Variants in MCC observed in about 807,000 individuals in gnomAD.
MCC encodes MCC regulator of Wnt signaling pathway.
MCC carries 90 observed loss-of-function variants against 116.2 expected under a neutral mutation model. The ratio of observed to expected loss-of-function variants is 0.77; its 90% CI spans 0.65 to 0.92. The LOEUF (loss-of-function observed/expected upper bound fraction) is 0.92. MCC is among the 40% of genes least tolerant of loss of function. MCC has a pLI of 0.00. For missense variants in MCC, 1,516 were observed against 1,312.2 expected (o/e 1.16, Z -2.40); for synonymous variants, 578 against 510.5 (o/e 1.13, Z -1.78).
In MCC at chr5:113,104,327, C is replaced by A. The variant is rs201293435; in HGVS notation, c.1056G>T (p.Leu352=). ...TCTCCAGCCCTGTCAGCACCCTCTG[C>A]AGTTCTGAGTTCAGGTCACTGCAGT... ...MDNCSDLNSE[L]QRVLTGLENV... Residue 352 remains leucine, a synonymous_variant, in exon 7 of 19, where the codon CTG becomes CTT. Transcript: ENST00000408903. The A allele has an allele frequency of 9.0e-5, 145 of 1,613,428 alleles. No individual in the cohort carries two copies. The highest frequency in any genetic ancestry group is 1.1e-4 in the Non-Finnish European group (129 of 1,179,800).
At chr5:113,443,088 G>T (rs1474779186) in intron 1 of MCC, among the ~76,000 whole-genome samples, 1 of 152,136 alleles carries the variant, frequency 6.6e-6, no homozygotes, top group Non-Finnish European at 1.5e-5. Context: ...ATTACTTTGG[G>T]CAGTATGGCC....
At chr5:113,352,710 C>T (rs1768306956) in intron 2 of MCC, among the ~76,000 whole-genome samples, 1 of 152,050 alleles carries the variant, frequency 6.6e-6, no homozygotes, top group South Asian at 2.1e-4. Context: ...TCTCAAATTT[C>T]ACTTTTATCA....
intron 3 of MCC, among the ~76,000 whole-genome samples, chr5:113,159,387 T>C (rs888449197): frequency 6.6e-6 from 1 of 152,202 alleles, no homozygotes; most frequent in African/African-American, 2.4e-5. Context: ...AAAAATGGAA[T>C]GAGTTTTCAG....
intron 1 of MCC, among the ~76,000 whole-genome samples, chr5:113,444,476 G>C (rs1481396218): frequency 5.9e-5 from 9 of 152,182 alleles, no homozygotes; most frequent in Admixed American, 4.6e-4. Context: ...TAAATCTGCG[G>C]TCTACATGTC....
chr5:113,258,427 C>T (rs1765099597), intron 3 of MCC, among the ~76,000 whole-genome samples: 1 of 152,230 alleles, frequency 6.6e-6, no homozygotes, highest in South Asian at 2.1e-4. Context: ...AGGAGGTGAG[C>T]TGCAGTCAGC....
chr5:113,179,231 C>A (rs58319162), intron 3 of MCC, among the ~76,000 whole-genome samples: 2,968 of 152,280 alleles, frequency 0.019, 75 homozygotes, highest in East Asian at 0.06. Context: ...AACAGTACCA[C>A]AGAACACCCT....
At chr5:113,316,565 T>A (rs1767290379) in intron 3 of MCC, among the ~76,000 whole-genome samples, 1 of 152,218 alleles carries the variant, frequency 6.6e-6, no homozygotes, top group Non-Finnish European at 1.5e-5. Context: ...ACATTTCACA[T>A]AGCCCACATG....
chr5:113,119,903 C>T (rs1224149051), intron 6 of MCC, among the ~76,000 whole-genome samples: 1 of 152,226 alleles, frequency 6.6e-6, no homozygotes, highest in Non-Finnish European at 1.5e-5. Context: ...TAGGTGGACA[C>T]TGCCTTCTGT....
At chr5:113,466,032 G>A (rs1580412171) in intron 1 of MCC, among the ~76,000 whole-genome samples, 1 of 151,996 alleles carries the variant, frequency 6.6e-6, no homozygotes, top group Non-Finnish European at 1.5e-5. Flanking sequence ...TGCCTCTAGG[G>A]TTCAAGCGAT....
chr5:113,084,258 G>A (rs1009497666), intron 9 of MCC, 68 bp from the exon 10 acceptor site: 7 of 1,202,148 alleles, frequency 5.8e-6, no homozygotes, highest in Middle Eastern at 1.9e-4. Context: ...TTGGGACTAC[G>A]CTTATACAGG....
At chr5:113,341,079 T>G (rs1325506108) in intron 2 of MCC, among the ~76,000 whole-genome samples, 1 of 152,194 alleles carries the variant, frequency 6.6e-6, no homozygotes, top group Non-Finnish European at 1.5e-5. Flanking sequence ...TTAGCACTGG[T>G]CATTCTTTCT....
intron 1 of MCC, among the ~76,000 whole-genome samples, chr5:113,385,582 C>T (rs1769234852): frequency 1.3e-5 from 2 of 152,102 alleles, no homozygotes; most frequent in Non-Finnish European, 1.5e-5. Flanking sequence ...GAACATAGAA[C>T]AGACATTATT....
chr5:113,136,110 A>G (rs1249265611), intron 5 of MCC, among the ~76,000 whole-genome samples: 1 of 152,202 alleles, frequency 6.6e-6, no homozygotes, highest in East Asian at 1.9e-4. Context: ...ATGCATATAT[A>G]CATAAAAGCA....
chr5:113,488,327 C>CGCTGCTGCTGCTGCTGCTGCCGCT lies in MCC; in HGVS notation c.64_87dup (p.Ser22_Ser29dup). 1 of 1,519,440 alleles carries CGCTGCTGCTGCTGCTGCTGCCGCT rather than the reference C, an allele frequency of 6.6e-7. No homozygotes were observed. The highest frequency in any genetic ancestry group is 8.8e-7 in the Non-Finnish European group (1 of 1,132,896). The allele number at this position is 1,519,440 out of a possible 1,614,324, so 94.1% of individuals were successfully genotyped here. A position where few individuals can be genotyped will look rare whatever the true frequency, so the allele number is the denominator to read the frequency against. On this transcript the variant is annotated inframe_insertion, in exon 1 of 19. Coordinates refer to ENST00000408903, the MANE Select transcript of MCC (RefSeq NM_001085377.2). ...TCCTCCTCGCCGGTGCTGGACGTGT[C>CGCTGCTGCTGCTGCTGCTGCCGCT]GCTGCTGCTGCTGCTGCTGCCGCTG...
intron 15 of MCC, among the ~76,000 whole-genome samples, chr5:113,050,169 C>T (rs1752392188): frequency 6.6e-6 from 1 of 152,176 alleles, no homozygotes; most frequent in Non-Finnish European, 1.5e-5. Context: ...AGGAAATCCC[C>T]CTGCTTATGG....
intron 3 of MCC, among the ~76,000 whole-genome samples, chr5:113,170,219 C>T (rs1349633006): frequency 6.6e-6 from 1 of 152,218 alleles, no homozygotes; most frequent in African/African-American, 2.4e-5. Context: ...ACAGCACCTA[C>T]TTCTTTTAAA....
At chr5:113,115,317 G>C (rs1009414970) in intron 6 of MCC, among the ~76,000 whole-genome samples, 2 of 152,166 alleles carry the variant, frequency 1.3e-5, no homozygotes, top group South Asian at 2.1e-4. Flanking sequence ...CCTGAGAAGC[G>C]AAAGACGCCA....
chr5:113,373,087 G>A (rs1247267450), intron 2 of MCC, among the ~76,000 whole-genome samples: 2 of 151,956 alleles, frequency 1.3e-5, no homozygotes, highest in East Asian at 3.9e-4. Flanking sequence ...GCTGAGGCAG[G>A]AGAATGGCGT....
At chr5:113,429,960 G>A (rs939511295) in intron 1 of MCC, among the ~76,000 whole-genome samples, 15 of 152,206 alleles carry the variant, frequency 9.9e-5, no homozygotes, top group African/African-American at 3.4e-4. Flanking sequence ...ATTCAGGCCT[G>A]AAATGCAATC....
Sources: allele counts gnomAD v4.1 joint callset (sites outside exome capture counted in the v4.1 genomes callset), GRCh38; gene constraint gnomAD v4.1.1; transcripts MANE v1.5; gene names NCBI Gene and HGNC (gene_info 2026-07-23, HGNC 2026-07-21).